The following NRG3 variants were observed in gnomAD, a reference collection of about 807,000 sequenced individuals.
NRG3 encodes neuregulin 3, also known as pro-neuregulin-3, membrane-bound isoform.
Under a neutral mutation model 66.9 loss-of-function variants are expected in NRG3, and 31 were observed. The observed-to-expected ratio is 0.46, with a 90% CI of 0.35 to 0.63. NRG3 has a LOEUF of 0.63. Ranked by LOEUF, NRG3 falls within the 20% of genes least tolerant of loss-of-function variation. The pLI is 0.00. For synonymous variants in NRG3, 393 were observed against 359.4 expected, an observed-to-expected ratio of 1.09 and a Z score of -1.06; for missense variants, 910 against 878.9, an observed-to-expected ratio of 1.04 and a Z score of -0.45.
At chr10:82,556,093 T>C (rs183124409) in intron 2 of NRG3, among the ~76,000 whole-genome samples, 85 of 152,350 alleles carry the variant, frequency 5.6e-4, no homozygotes, top group African/African-American at 1.9e-3. Context: ...ACACATTTGA[T>C]GATGTTCTCC....
At chr10:82,358,902 G>T (rs1415756786) in intron 2 of NRG3, 34 bp downstream of exon 2, 1 of 1,613,626 alleles carries the variant, frequency 6.2e-7, no homozygotes, top group South Asian at 1.1e-5. Context: ...GAAAGGGCAG[G>T]CCCGTTGCAA....
intron 1 of NRG3, among the ~76,000 whole-genome samples, chr10:82,182,966 T>C (rs1348238418): frequency 4.6e-5 from 7 of 152,030 alleles, no homozygotes; most frequent in Non-Finnish European, 5.9e-5. Context: ...CTGCAAGGTT[T>C]CTGCTGAGAA....
intron 2 of NRG3, among the ~76,000 whole-genome samples, chr10:82,405,774 G>T (rs1443735874): frequency 6.6e-6 from 1 of 152,116 alleles, no homozygotes; most frequent in Non-Finnish European, 1.5e-5. Flanking sequence ...AGCCTGGAGT[G>T]ATCTCATTCT....
intron 1 of NRG3, among the ~76,000 whole-genome samples, chr10:82,299,583 T>C (rs2080273902): frequency 6.6e-6 from 1 of 152,144 alleles, no homozygotes; most frequent in African/African-American, 2.4e-5. Flanking sequence ...TAGTTTGTTT[T>C]GTTTTTTTGA....
At chr10:82,569,948 T>C (rs984179168) in intron 2 of NRG3, among the ~76,000 whole-genome samples, 5 of 151,672 alleles carry the variant, frequency 3.3e-5, no homozygotes, top group African/African-American at 1.2e-4. Context: ...CAGTGTTTAT[T>C]TTTTTCTGCA....
At chr10:81,997,984 G>T (rs1438806802) in intron 1 of NRG3, among the ~76,000 whole-genome samples, 1 of 151,894 alleles carries the variant, frequency 6.6e-6, no homozygotes, top group Admixed American at 6.6e-5. Context: ...GAGCTGAGCA[G>T]GTCTGGGTGA....
At chr10:82,358,948 T>G in intron 2 of NRG3, 80 bp downstream of exon 2, 1 of 1,591,780 alleles carries the variant, frequency 6.3e-7, no homozygotes, top group Non-Finnish European at 8.6e-7. Flanking sequence ...GCATCTGGTA[T>G]GTGTCATATC....
chr10:82,102,121 T>G lies in NRG3; in HGVS notation c.823+225958T>G, dbSNP rs1223932467. 3.1e-4 allele frequency among the ~76,000 whole-genome samples: 5 copies of G among 16,232 alleles called. 1 individual carries two copies. Among genetic ancestry groups the G allele is most frequent in the Non-Finnish European group, 8.4e-4 (5 of 5,936 alleles). 10.6% of individuals were successfully genotyped at this position (16,232 alleles called of 152,430 possible). On this transcript the variant is annotated intron_variant, in intron 1 of 8. Coordinates refer to ENST00000372141, the MANE Select transcript of NRG3 (RefSeq NM_001010848.4). ...ATATATATATGTGTATTCATATATA[T>G]ATATGTGTATTCATATATATATATA...
intron 1 of NRG3, among the ~76,000 whole-genome samples, chr10:82,169,754 A>G (rs2072413335): frequency 6.6e-6 from 1 of 151,586 alleles, no homozygotes; most frequent in South Asian, 2.1e-4. Flanking sequence ...ATTCTCTATT[A>G]AAGATTATGT....
chr10:82,434,299 G>A (rs185136185), intron 2 of NRG3, among the ~76,000 whole-genome samples: 8 of 152,156 alleles, frequency 5.3e-5, no homozygotes, highest in African/African-American at 1.9e-4. Context: ...CATTGATTTT[G>A]TATCCTGAGA....
intron 2 of NRG3, among the ~76,000 whole-genome samples, chr10:82,438,176 G>A (rs2090243842): frequency 6.6e-6 from 1 of 152,218 alleles, no homozygotes; most frequent in African/African-American, 2.4e-5. Context: ...GCTTTGCAGA[G>A]ACTGTGGCCA....
chr10:82,469,467 TG>T (rs1230367744), intron 2 of NRG3, among the ~76,000 whole-genome samples: 2 of 150,426 alleles, frequency 1.3e-5, no homozygotes, highest in Non-Finnish European at 2.9e-5. Flanking sequence ...CTCTTAGTGG[TG>T]GTGGTGGTGG....
chr10:81,948,522 C>G (rs552128048), intron 1 of NRG3, among the ~76,000 whole-genome samples: 3 of 152,298 alleles, frequency 2.0e-5, no homozygotes, highest in Middle Eastern at 3.4e-3. Flanking sequence ...GAACTCTTGT[C>G]TGCGTTTAGC....
chr10:82,306,760 C>A (rs1224465439), intron 1 of NRG3, among the ~76,000 whole-genome samples: 2 of 135,540 alleles, frequency 1.5e-5, no homozygotes, highest in African/African-American at 2.7e-5. Flanking sequence ...CTTCCATGGA[C>A]ACATTCCATC....
chr10:82,838,518 C>A (rs1189274814), intron 3 of NRG3, among the ~76,000 whole-genome samples: 1 of 152,044 alleles, frequency 6.6e-6, no homozygotes, highest in Non-Finnish European at 1.5e-5. Flanking sequence ...GTCTCATGCT[C>A]AACAAAGATT....
chr10:82,045,492 G>A (rs2063239228), intron 1 of NRG3, among the ~76,000 whole-genome samples: 1 of 50,938 alleles, frequency 2.0e-5, no homozygotes, highest in African/African-American at 4.6e-5. Flanking sequence ...AGTAGGTTGT[G>A]AGAATTTTCT....
chr10:82,118,933 A>G (rs2067901870), intron 1 of NRG3, among the ~76,000 whole-genome samples: 2 of 152,176 alleles, frequency 1.3e-5, no homozygotes, highest in South Asian at 2.1e-4. Flanking sequence ...CAGAACATTT[A>G]CAGACACAGT....
chr10:82,926,675 C>A (rs1847031518), intron 4 of NRG3, among the ~76,000 whole-genome samples: 1 of 152,108 alleles, frequency 6.6e-6, no homozygotes, highest in Non-Finnish European at 1.5e-5. Context: ...TTACAACAAA[C>A]AAAACAAAAT....
chr10:82,307,828 G>C lies in NRG3; in HGVS notation c.824-50911G>C, dbSNP rs891988492. Among the ~76,000 whole-genome samples the C allele has an allele frequency of 2.0e-5, 3 of 151,042 alleles. No homozygotes were observed. In the East Asian group the frequency reaches 5.8e-4, roughly 29 times the overall value. On this transcript the variant is annotated intron_variant, in intron 1 of 8. Coordinates refer to ENST00000372141, the MANE Select transcript of NRG3 (RefSeq NM_001010848.4). ...CCTGAATTTTGCCAGCTAATATTTA[G>C]ATGGCATCTCTGGATGGTTTCACTA...
Sources: allele counts gnomAD v4.1 joint callset (sites outside exome capture counted in the v4.1 genomes callset), GRCh38; gene constraint gnomAD v4.1.1; transcripts MANE v1.5; gene names NCBI Gene and HGNC (gene_info 2026-07-23, HGNC 2026-07-21).